The following CASP5 variants were observed in gnomAD, a reference collection of about 807,000 sequenced individuals.
CASP5 encodes the protein caspase 5.
CASP5 carries 42 observed loss-of-function variants against 45.2 expected under a neutral mutation model. That is an observed-to-expected ratio of 0.93 (90% CI 0.73 to 1.20). The LOEUF (loss-of-function observed/expected upper bound fraction) is 1.20. Among genes scored for constraint, CASP5 ranks in the 50% most tolerant of loss-of-function variants. The pLI, the probability that CASP5 is intolerant of heterozygous loss-of-function variation, is 0.00. For missense variants in CASP5, 512 were observed against 532.2 expected (o/e 0.96, Z 0.37); for synonymous variants, 209 against 186.2 (o/e 1.12, Z -1.00).
At chr11:105,004,424 T>A (rs1313907995) in intron 3 of CASP5, among the ~76,000 whole-genome samples, 1 of 152,120 alleles carries the variant, frequency 6.6e-6, no homozygotes, top group East Asian at 1.9e-4. Context: ...AACTGGGAGA[T>A]TATTGAGCCC....
rs45458101 is a variant in CASP5 at position 104,996,091 on chromosome 11, T to A, written c.1207-249A>T. The stretch of plus-strand genomic sequence containing the variant: ...GGCTTTTCAACCTCCATTTTCTCTA[T>A]TTTCCATTTTTGACCTACGGATGTG... On this transcript the variant is annotated intron_variant, in intron 8 of 9. Transcript: ENST00000260315. Among the ~76,000 whole-genome samples the A allele has an allele frequency of 5.3e-3, 814 of 152,288 alleles. 7 individuals are homozygous for A. Among genetic ancestry groups the A allele is most frequent in the African/African-American group, 0.019 (780 of 41,546 alleles).
rs781121705 is a variant in CASP5 at position 105,002,144 on chromosome 11, T to A, written c.601A>T (p.Thr201Ser). ...CTTGCAGGCAGGTGATCAAACTTTG[T>A]ATTGCATATGATGAGAGCCAGGCGT... Reference protein sequence around the residue: ...RRRLALIICNTKFDHLPARNG... With the variant: ...RRRLALIICNSKFDHLPARNG... The change falls in exon 5 of 10, where the codon ACA (threonine) becomes TCA (serine). Residue 201 changes from threonine (T) to serine (S), a missense_variant. By Grantham distance (58) the Thr-to-Ser change is moderately conservative. Transcript: ENST00000260315. 1 of 1,614,178 alleles carries A rather than the reference T, an allele frequency of 6.2e-7. No homozygotes were observed. Among genetic ancestry groups the A allele is most frequent in the Non-Finnish European group, 8.5e-7 (1 of 1,180,018 alleles).
intron 1 of CASP5, among the ~76,000 whole-genome samples, chr11:105,013,224 A>G (rs974786180): frequency 6.6e-6 from 1 of 152,044 alleles, no homozygotes; most frequent in African/African-American, 2.4e-5. Context: ...CAAAAGTTAA[A>G]CACATAAAAG....
chr11:105,016,389 T>A (rs927412830), intron 1 of CASP5, among the ~76,000 whole-genome samples: 9 of 152,186 alleles, frequency 5.9e-5, no homozygotes, highest in African/African-American at 2.2e-4. Context: ...CATTTCCATC[T>A]GAGGTACCGG....
At chr11:105,022,947 C>G (rs1182219389) in intron 1 of CASP5, among the ~76,000 whole-genome samples, 183 bp downstream of exon 1, 1 of 149,080 alleles carries the variant, frequency 6.7e-6, no homozygotes, top group African/African-American at 2.4e-5. Flanking sequence ...AGAACATACT[C>G]TCCTTCAGTG....
chr11:105,020,205 GA>G (rs1223405240), intron 1 of CASP5, among the ~76,000 whole-genome samples: 1 of 148,020 alleles, frequency 6.8e-6, no homozygotes, highest in Non-Finnish European at 1.5e-5. Flanking sequence ...ATATCATACT[GA>G]ATGGGCAAAA....
intron 8 of CASP5, among the ~76,000 whole-genome samples, chr11:104,996,073 C>T (rs899884518): frequency 6.6e-6 from 1 of 152,190 alleles, no homozygotes; most frequent in African/African-American, 2.4e-5. Context: ...CAAGGCTTTT[C>T]AACCTCCATT....
At chr11:105,010,998 T>A (rs3181168) in intron 1 of CASP5, among the ~76,000 whole-genome samples, 8,490 of 151,830 alleles carry the variant, frequency 0.056, 721 homozygotes, top group African/African-American at 0.19. Flanking sequence ...ATGATAGTTG[T>A]TGAAGAGCTT....
chr11:104,995,540 A>G (rs935153161), intron 9 of CASP5, among the ~76,000 whole-genome samples, 200 bp downstream of exon 9: 1 of 152,168 alleles, frequency 6.6e-6, no homozygotes, highest in African/African-American at 2.4e-5. Flanking sequence ...AATTTTCCTT[A>G]CCCTTTGATT....
In CASP5 at chr11:105,008,838, A is replaced by C. The variant is rs1862131446; in HGVS notation, c.150T>G (p.Pro50=). The change falls in exon 2 of 10, where the codon CCT becomes CCG. Residue 50 remains proline, a synonymous_variant. Coordinates refer to ENST00000260315, the MANE Select transcript of CASP5 (RefSeq NM_004347.5). The part of the protein sequence containing the change: ...AGQTSIQTLV[P]NTDQKSTSVK... ...CACTGGTCGACTTTTGATCCGTATT[A>C]GGTACTAGGGTCTGGATAGATGTTT... The C allele has an allele frequency of 1.2e-6, 2 of 1,612,866 alleles. No homozygotes were observed. The highest frequency in any genetic ancestry group is 1.7e-5 in the Admixed American group (1 of 59,850).
chr11:105,009,128 C>T, intron 1 of CASP5, 148 bp from the exon 2 acceptor site: 1 of 682,834 alleles, frequency 1.5e-6, no homozygotes, highest in East Asian at 2.7e-5. Flanking sequence ...TTTCTTTGTA[C>T]CTGTAGCATT....
At chr11:105,009,758 TACACACACAC>T (rs1199603594) in intron 1 of CASP5, among the ~76,000 whole-genome samples, 1 of 90,252 alleles carries the variant, frequency 1.1e-5, no homozygotes, top group African/African-American at 4.3e-5. Context: ...TATATATATA[TACACACACAC>T]ACGTATATAT....
At chr11:105,021,457 T>A (rs1225759764) in intron 1 of CASP5, among the ~76,000 whole-genome samples, 1 of 149,366 alleles carries the variant, frequency 6.7e-6, no homozygotes, top group Non-Finnish European at 1.5e-5. Context: ...TCAAACAAAT[T>A]TACAAGAAAA....
In CASP5 at chr11:104,998,895, A is replaced by G; in HGVS notation, c.1086T>C (p.Ser362=). ...HEEKDFIAFC[S]STPHNVSWRD... ...CTAAAAGACACATACGTGGTGTTGA[A>G]GAACAGAAAGCAATGAAGTCCTTCT... The change falls in exon 7 of 10, where the codon TCT becomes TCC. Residue 362 remains serine, a synonymous_variant. Coordinates refer to ENST00000260315, the MANE Select transcript of CASP5 (RefSeq NM_004347.5). 6.2e-7 allele frequency: 1 copy of G among 1,612,964 alleles called. No individual in the cohort carries two copies. The highest frequency in any genetic ancestry group is 2.2e-5 in the East Asian group (1 of 44,852).
chr11:105,006,971 T>G, intron 3 of CASP5, 112 bp downstream of exon 3: 14 of 933,360 alleles, frequency 1.5e-5, no homozygotes, highest in Non-Finnish European at 2.1e-5. Context: ...TTACTGAAAA[T>G]GAGAGTTTAG....
At chr11:105,003,558 T>G (rs1861855630) in intron 3 of CASP5, among the ~76,000 whole-genome samples, 175 bp from the exon 4 acceptor site, 2 of 151,956 alleles carry the variant, frequency 1.3e-5, no homozygotes, top group Admixed American at 1.3e-4. Context: ...AATTCCCTGA[T>G]AGAGAAAGCA....
intron 5 of CASP5, among the ~76,000 whole-genome samples, chr11:105,001,536 C>T (rs1460411947): frequency 1.3e-5 from 2 of 152,212 alleles, no homozygotes; most frequent in South Asian, 2.1e-4. Context: ...CGTGGTGGCA[C>T]GCTCCTGTAG....
At chr11:105,012,556 GAA>G (rs1862401587) in intron 1 of CASP5, among the ~76,000 whole-genome samples, 1 of 151,714 alleles carries the variant, frequency 6.6e-6, no homozygotes, top group South Asian at 2.1e-4. Context: ...AAATATATGA[GAA>G]ACACAATTCA....
intron 1 of CASP5, among the ~76,000 whole-genome samples, chr11:105,022,256 C>T (rs1863006969): frequency 2.7e-5 from 4 of 150,658 alleles, no homozygotes; most frequent in South Asian, 4.2e-4. Flanking sequence ...CACATGTATA[C>T]ATATGTAACT....
Sources: allele counts gnomAD v4.1 joint callset (sites outside exome capture counted in the v4.1 genomes callset), GRCh38; gene constraint gnomAD v4.1.1; transcripts MANE v1.5; gene names NCBI Gene and HGNC (gene_info 2026-07-23, HGNC 2026-07-21).